The following FNIP1 variants were observed in gnomAD, a reference collection of about 807,000 sequenced individuals.
FNIP1 encodes folliculin-interacting protein 1.
FNIP1 carries 40 observed loss-of-function variants against 124.5 expected under a neutral mutation model. The observed-to-expected ratio is 0.32, with a 90% CI of 0.25 to 0.42. The LOEUF (loss-of-function observed/expected upper bound fraction) is 0.42, where lower values mean the gene tolerates loss of function less well. FNIP1 is among the 10% of genes least tolerant of loss of function. The pLI is 1.00. For synonymous variants in FNIP1, 472 were observed against 470.6 expected (o/e 1.00, Z -0.04); for missense variants, 1,176 against 1,403.7 (o/e 0.84, Z 2.59).
intron 1 of FNIP1, 150 bp downstream of exon 1, chr5:131,796,680 G>C (rs1038440607): frequency 1.4e-5 from 10 of 694,776 alleles, no homozygotes; most frequent in Non-Finnish European, 2.3e-5. Context: ...TTCGGCGCTA[G>C]CCCGCAGCCG....
chr5:131,672,920 G>T lies in FNIP1; in HGVS notation c.1524C>A (p.Asp508Glu). Residue 508 changes from aspartate (D) to glutamate (E), a missense_variant, in exon 14 of 18, where the codon GAC becomes GAA. Around this residue, in one of 2 missense-constraint regions of FNIP1, gnomAD observed 1,109 missense variants for 1,288.5 expected, o/e 0.86. Transcript: ENST00000510461. ...CGGGAGAGCCAATAGCGCCATACAA[G>T]TCTCCTGTAATGGAAAAAATCAGTT... ...PYNPLWAQLG[D>E]LYGAIGSPVR... 1 of 1,533,466 alleles carries T rather than the reference G, an allele frequency of 6.5e-7. No homozygotes were observed. The highest frequency in any genetic ancestry group is 1.3e-5 in the South Asian group (1 of 76,672). The allele number at this position is 1,533,466 out of a possible 1,614,324, so 95.0% of individuals were successfully genotyped here.
intron 1 of FNIP1, among the ~76,000 whole-genome samples, chr5:131,750,213 A>G (rs1487194943): frequency 6.6e-6 from 1 of 152,166 alleles, no homozygotes; most frequent in Non-Finnish European, 1.5e-5. Context: ...TGACAAGAAT[A>G]CAGCTGAATT....
At position 131,700,198 on chromosome 5, in the gene FNIP1, G is replaced by A. The variant is rs952987007; in HGVS notation, c.1117-1196C>T. Among the ~76,000 whole-genome samples the A allele has an allele frequency of 9.2e-5, 14 of 151,688 alleles. 3 individuals carry two copies. The highest frequency in any genetic ancestry group is 5.9e-5 in the Non-Finnish European group (4 of 67,902). On this transcript the variant is annotated intron_variant, in intron 10 of 17. Coordinates refer to ENST00000510461, the MANE Select transcript of FNIP1 (RefSeq NM_133372.3). ...GGGGTTTCACCATGTTGACCAAGAT[G>A]GTCTCGATCTCTTGACCTTGTGATC...
At chr5:131,693,015 T>C (rs1017233441) in intron 11 of FNIP1, among the ~76,000 whole-genome samples, 5 of 148,782 alleles carry the variant, frequency 3.4e-5, no homozygotes, top group Admixed American at 2.0e-4. Context: ...AAAAAAAAAA[T>C]AAATTTAAAA....
At chr5:131,771,581 CCAGA>C (rs1771634833) in intron 1 of FNIP1, among the ~76,000 whole-genome samples, 1 of 152,124 alleles carries the variant, frequency 6.6e-6, no homozygotes, top group Non-Finnish European at 1.5e-5. Flanking sequence ...GTCTACTCAT[CCAGA>C]CACTCAGATC....
intron 1 of FNIP1, among the ~76,000 whole-genome samples, chr5:131,793,331 A>T (rs1368097401): frequency 2.6e-5 from 4 of 152,200 alleles, no homozygotes; most frequent in African/African-American, 9.7e-5. Flanking sequence ...CACCAAACCC[A>T]GCCCAAAATA....
chr5:131,767,337 G>A (rs1365209385), intron 1 of FNIP1, among the ~76,000 whole-genome samples: 20 of 149,924 alleles, frequency 1.3e-4, no homozygotes, highest in Admixed American at 1.3e-3. Flanking sequence ...GCTGAGGCGG[G>A]AGAATCGCTT....
At chr5:131,677,379 G>A (rs1290763261) in intron 13 of FNIP1, among the ~76,000 whole-genome samples, 1 of 152,188 alleles carries the variant, frequency 6.6e-6, no homozygotes, top group African/African-American at 2.4e-5. Context: ...AGGTATCACC[G>A]GTGACTGTTG....
Position 131,647,091 on chromosome 5 carries a change from C to A in FNIP1, c.3421G>T (p.Gly1141Trp). ...CCAAAAAAGAAACCATTAACATACC[C>A]CAGAACCACTCCCAGCTCCTTGACA... ...VHVKELGVVL[G>W]IESSDLPLLA... is the part of the protein sequence containing the mutation. Residue 1141 changes from glycine (G) to tryptophan (W), a missense_variant and splice_region_variant, in exon 17 of 18, where the codon GGG becomes TGG. This residue lies in a region of FNIP1 where 67 missense variants were observed against 115.2 expected (regional missense o/e 0.58). Transcript: ENST00000510461. 6.2e-7 allele frequency: 1 copy of A among 1,613,902 alleles called. No individual in the cohort carries two copies. The highest frequency in any genetic ancestry group is 8.5e-7 in the Non-Finnish European group (1 of 1,179,850).
At chr5:131,757,650 A>G (rs975812467) in intron 1 of FNIP1, among the ~76,000 whole-genome samples, 11 of 151,552 alleles carry the variant, frequency 7.3e-5, no homozygotes, top group African/African-American at 2.2e-4. Flanking sequence ...AAAAAAAAAA[A>G]GGTGGACAAA....
intron 1 of FNIP1, among the ~76,000 whole-genome samples, chr5:131,776,313 A>C (rs990228993): frequency 6.6e-6 from 1 of 152,258 alleles, no homozygotes. Flanking sequence ...CAACATATTT[A>C]GGAATGCAAT....
chr5:131,784,237 T>C (rs1228855012), intron 1 of FNIP1, among the ~76,000 whole-genome samples: 1 of 152,118 alleles, frequency 6.6e-6, no homozygotes, highest in South Asian at 2.1e-4. Context: ...AGAGGTTTTA[T>C]GGAGCCGTTG....
At chr5:131,714,960 T>C (rs1021135250) in intron 6 of FNIP1, among the ~76,000 whole-genome samples, 1 of 152,152 alleles carries the variant, frequency 6.6e-6, no homozygotes, top group African/African-American at 2.4e-5. Context: ...ACATACTTAT[T>C]GATTGATTGA....
At chr5:131,765,013 A>G (rs1771371807) in intron 1 of FNIP1, among the ~76,000 whole-genome samples, 1 of 152,148 alleles carries the variant, frequency 6.6e-6, no homozygotes, top group Middle Eastern at 3.2e-3. Context: ...GCTTAAGGCC[A>G]GGAGTTCAAG....
chr5:131,781,322 A>G (rs1254229904), intron 1 of FNIP1, among the ~76,000 whole-genome samples: 1 of 152,266 alleles, frequency 6.6e-6, no homozygotes, highest in East Asian at 1.9e-4. Context: ...CACTGGCTAC[A>G]CTAAATAACA....
chr5:131,738,903 A>G (rs1388679550), intron 2 of FNIP1, among the ~76,000 whole-genome samples: 1 of 146,806 alleles, frequency 6.8e-6, no homozygotes, highest in Non-Finnish European at 1.5e-5. Context: ...TGCAACCTCC[A>G]CTTCCTGGGC....
chr5:131,650,341 A>G (rs1271484736), intron 16 of FNIP1, among the ~76,000 whole-genome samples: 4 of 152,170 alleles, frequency 2.6e-5, no homozygotes, highest in Non-Finnish European at 1.5e-5. Context: ...TTGTCTCCCT[A>G]AATTTGTTCC....
chr5:131,715,829 A>G (rs1769450956), intron 6 of FNIP1, among the ~76,000 whole-genome samples: 1 of 151,890 alleles, frequency 6.6e-6, no homozygotes, highest in Non-Finnish European at 1.5e-5. Flanking sequence ...TTCTACTAAT[A>G]TATAACAAAT....
intron 17 of FNIP1, 76 bp downstream of exon 17, chr5:131,647,014 G>C (rs2149501476): frequency 8.6e-6 from 11 of 1,276,966 alleles, no homozygotes; most frequent in Non-Finnish European, 1.3e-5. Context: ...AAAGGAAAAA[G>C]GGCAATTCTG....
Sources: allele counts gnomAD v4.1 joint callset (sites outside exome capture counted in the v4.1 genomes callset), GRCh38; gene constraint gnomAD v4.1.1; regional missense constraint gnomAD v4.1.1; transcripts MANE v1.5; gene names NCBI Gene and HGNC (gene_info 2026-07-23, HGNC 2026-07-21).